The following CXCL13 variants were observed in gnomAD, a reference collection of about 807,000 sequenced individuals.
The protein encoded by CXCL13 is C-X-C motif chemokine ligand 13.
Under a neutral mutation model 12.2 loss-of-function variants are expected in CXCL13, and 7 were observed. The observed-to-expected ratio is 0.57, with a 90% CI of 0.33 to 1.07. The LOEUF is 1.07. Ranked by LOEUF, CXCL13 falls within the 50% of genes least tolerant of loss-of-function variation. The probability of loss-of-function intolerance (pLI) is 0.04; values close to 1 mark genes in which losing one functional copy is unlikely to be tolerated. For missense variants in CXCL13, 113 were observed against 127.4 expected, an observed-to-expected ratio of 0.89 and a Z score of 0.55; for synonymous variants, 47 against 42.4, an observed-to-expected ratio of 1.11 and a Z score of -0.42.
chr4:77,531,190 T>C (rs1724907787), intron 1 of CXCL13, among the ~76,000 whole-genome samples: 1 of 151,092 alleles, frequency 6.6e-6, no homozygotes, highest in Non-Finnish European at 1.5e-5. Context: ...TTGTTACATA[T>C]GTATACATGT....
At chr4:77,598,896 CTCCCGAG>C (rs1337923157) in intron 1 of CXCL13, among the ~76,000 whole-genome samples, 4 of 152,006 alleles carry the variant, frequency 2.6e-5, no homozygotes, top group African/African-American at 9.7e-5. Context: ...CAACCTCTGC[CTCCCGAG>C]TTCAAGTGAT....
intron 1 of CXCL13, among the ~76,000 whole-genome samples, chr4:77,556,974 G>T (rs533947172): frequency 1.1e-4 from 17 of 152,186 alleles, no homozygotes; most frequent in Middle Eastern, 3.4e-3. Flanking sequence ...TTATGATCGT[G>T]CCACTGCCCT....
intron 1 of CXCL13, among the ~76,000 whole-genome samples, chr4:77,587,444 GC>G (rs1275140076): frequency 1.3e-5 from 2 of 152,174 alleles, no homozygotes; most frequent in Non-Finnish European, 2.9e-5. Context: ...GGAGACACGT[GC>G]AAAAATAAAC....
intron 1 of CXCL13, among the ~76,000 whole-genome samples, chr4:77,543,013 GT>G (rs1725245786): frequency 6.6e-6 from 1 of 152,014 alleles, no homozygotes; most frequent in Admixed American, 6.6e-5. Flanking sequence ...CAGTTGGTAG[GT>G]TTTTTATTAC....
intron 1 of CXCL13, among the ~76,000 whole-genome samples, chr4:77,541,592 C>G (rs1161967339): frequency 6.6e-6 from 1 of 152,038 alleles, no homozygotes. Context: ...TGTACCAGTA[C>G]CATGTTGTTT....
At chr4:77,547,255 G>A (rs1296190092) in intron 1 of CXCL13, among the ~76,000 whole-genome samples, 1 of 152,204 alleles carries the variant, frequency 6.6e-6, no homozygotes, top group Non-Finnish European at 1.5e-5. Context: ...TCTGCTTGGT[G>A]CAGAGCTGAG....
intron 1 of CXCL13, among the ~76,000 whole-genome samples, chr4:77,539,654 C>T (rs1725152754): frequency 6.6e-6 from 1 of 152,206 alleles, no homozygotes; most frequent in African/African-American, 2.4e-5. Context: ...TTAAACTCCA[C>T]CATTTTAATG....
chr4:77,518,028 G>A (rs1724474155), intron 1 of CXCL13, among the ~76,000 whole-genome samples: 1 of 141,400 alleles, frequency 7.1e-6, no homozygotes. Context: ...TGTCTGTAAA[G>A]GATTTTATTT....
intron 1 of CXCL13, among the ~76,000 whole-genome samples, chr4:77,562,571 G>A (rs1725840142): frequency 1.3e-5 from 2 of 151,976 alleles, no homozygotes; most frequent in Non-Finnish European, 1.5e-5. Context: ...CTAAGGGATT[G>A]TAAATACACC....
chr4:77,607,975 A>G, intron 2 of CXCL13, 140 bp downstream of exon 2: 1 of 857,082 alleles, frequency 1.2e-6, no homozygotes, highest in Non-Finnish European at 1.8e-6. Flanking sequence ...AATAATGAAA[A>G]TTGTTAATAA....
chr4:77,572,684 T>C (rs1726116517), intron 1 of CXCL13, among the ~76,000 whole-genome samples: 1 of 151,928 alleles, frequency 6.6e-6, no homozygotes, highest in Non-Finnish European at 1.5e-5. Flanking sequence ...AGTGATACCT[T>C]AAAGACTTAA....
intron 1 of CXCL13, among the ~76,000 whole-genome samples, chr4:77,571,614 C>T (rs1726082119): frequency 6.6e-6 from 1 of 151,732 alleles, no homozygotes; most frequent in African/African-American, 2.4e-5. Flanking sequence ...GTATCTAGCT[C>T]AGGGATTGTA....
chr4:77,545,544 T>C (rs1218899519), intron 1 of CXCL13, among the ~76,000 whole-genome samples: 1 of 152,220 alleles, frequency 6.6e-6, no homozygotes, highest in Non-Finnish European at 1.5e-5. Flanking sequence ...TTTGGCTCTC[T>C]GTTTGTCTGC....
At chr4:77,595,712 G>A (rs914250625) in intron 1 of CXCL13, among the ~76,000 whole-genome samples, 3 of 152,152 alleles carry the variant, frequency 2.0e-5, no homozygotes, top group African/African-American at 4.8e-5. Flanking sequence ...TACTGTTGGC[G>A]ATTTTTTGCT....
In CXCL13 at chr4:77,611,119, T is replaced by C; in HGVS notation, c.*80T>C. On this transcript the variant is annotated 3_prime_UTR_variant, in exon 4 of 4. Transcript: ENST00000682537. ...TTTAGTTTTGTGCTTAGTTAAATCT[T>C]TTCCAGGAAAAAGAACTTCCCCATA... is the stretch of plus-strand genomic sequence containing the variant. The C allele has an allele frequency of 8.1e-7, 1 of 1,229,390 alleles. No individual in the cohort carries two copies. The highest frequency in any genetic ancestry group is 2.0e-5 in the Admixed American group (1 of 49,922). The allele number at this position is 1,229,390 out of a possible 1,614,324, so 76.2% of individuals were successfully genotyped here.
intron 1 of CXCL13, among the ~76,000 whole-genome samples, chr4:77,590,298 A>G (rs1726574642): frequency 6.6e-6 from 1 of 152,156 alleles, no homozygotes; most frequent in Non-Finnish European, 1.5e-5. Context: ...CCTAAGGTAA[A>G]AGTCTTTCTC....
chr4:77,590,682 G>A (rs901176050), intron 1 of CXCL13, among the ~76,000 whole-genome samples: 2 of 152,136 alleles, frequency 1.3e-5, no homozygotes, highest in African/African-American at 4.8e-5. Context: ...GCTCTCCTGT[G>A]GAGATGTCAC....
intron 1 of CXCL13, among the ~76,000 whole-genome samples, chr4:77,512,846 G>A (rs1375294660): frequency 6.6e-6 from 1 of 151,966 alleles, no homozygotes; most frequent in Non-Finnish European, 1.5e-5. Context: ...TCATACATAG[G>A]TATACATGTG....
chr4:77,577,779 C>T (rs1253965774), intron 1 of CXCL13, among the ~76,000 whole-genome samples: 4 of 152,100 alleles, frequency 2.6e-5, no homozygotes, highest in Admixed American at 6.5e-5. Context: ...TCATGTACCT[C>T]GGGTATTTGC....
Sources: allele counts gnomAD v4.1 joint callset (sites outside exome capture counted in the v4.1 genomes callset), GRCh38; gene constraint gnomAD v4.1.1; transcripts MANE v1.5; gene names NCBI Gene and HGNC (gene_info 2026-07-23, HGNC 2026-07-21).